UCMA: variants seen among roughly 807,000 people sequenced by gnomAD.
UCMA encodes upper zone of growth plate and cartilage matrix-associated protein.
UCMA carries 21 observed loss-of-function variants against 21.8 expected under a neutral mutation model. The ratio of observed to expected loss-of-function variants is 0.97; its 90% CI spans 0.68 to 1.39. The LOEUF (loss-of-function observed/expected upper bound fraction) is 1.39, where lower values mean the gene tolerates loss of function less well. Ranked by LOEUF, UCMA falls within the 40% of genes most tolerant of loss-of-function variation. The pLI is 0.00. For missense variants in UCMA, 193 were observed against 178.9 expected, an observed-to-expected ratio of 1.08 and a Z score of -0.45; for synonymous variants, 76 against 67.9, an observed-to-expected ratio of 1.12 and a Z score of -0.58.
rs1054317968 is a variant in UCMA at position 13,227,837 on chromosome 10, G to A, written c.319+1774C>T. 3.3e-5 allele frequency among the ~76,000 whole-genome samples: 5 copies of A among 150,856 alleles called. No individual in the cohort carries two copies. The South Asian group carries it at 8.4e-4, about 25-fold the overall frequency. ...ACGGTCCTAAGGATGTTTGCTGTGG[G>A]TGACCCTTGAGGGTACTTCACAGCA... On this transcript the variant is annotated intron_variant, in intron 4 of 4. Coordinates refer to ENST00000378681, the MANE Select transcript of UCMA (RefSeq NM_145314.3).
At chr10:13,232,912 G>C (rs939911615) in intron 3 of UCMA, among the ~76,000 whole-genome samples, 1 of 151,118 alleles carries the variant, frequency 6.6e-6, no homozygotes, top group African/African-American at 2.4e-5. Context: ...CAACAGACAG[G>C]CTCACCCCAA....
intron 3 of UCMA, among the ~76,000 whole-genome samples, chr10:13,230,087 G>T (rs1387261480): frequency 6.6e-6 from 1 of 152,144 alleles, no homozygotes; most frequent in Non-Finnish European, 1.5e-5. Context: ...CAACATTTTC[G>T]AGCTCTTATC....
At chr10:13,222,477 A>G (rs2281798) in intron 4 of UCMA, among the ~76,000 whole-genome samples, 43,414 of 152,072 alleles carry the variant, frequency 0.29, 6,323 homozygotes, top group Middle Eastern at 0.37. Context: ...GTAGGAGGGC[A>G]GAGGCTTATG....
At chr10:13,225,523 A>C (rs1328811926) in intron 4 of UCMA, among the ~76,000 whole-genome samples, 1 of 151,952 alleles carries the variant, frequency 6.6e-6, no homozygotes, top group Non-Finnish European at 1.5e-5. Context: ...AAAAATACAA[A>C]AATTAGCAAG....
intron 4 of UCMA, among the ~76,000 whole-genome samples, chr10:13,225,655 C>T (rs1165506278): frequency 8.0e-6 from 1 of 125,218 alleles, no homozygotes; most frequent in Admixed American, 9.9e-5. Flanking sequence ...AGCCTGGTGA[C>T]AGAGCGAGAT....
chr10:13,229,677 G>C lies in UCMA; in HGVS notation c.253C>G (p.Leu85Val). 1 of 1,614,052 alleles carries C rather than the reference G, an allele frequency of 6.2e-7. No individual in the cohort carries two copies. Among genetic ancestry groups the C allele is most frequent in the East Asian group, 2.2e-5 (1 of 44,872 alleles). The change falls in exon 4 of 5, where the codon CTG becomes GTG. Residue 85 changes from leucine (L) to valine (V), a missense_variant. Leu to Val is a conservative substitution (Grantham distance 32). Transcript: ENST00000378681. ...TGTTCCTCGTAATATTCTCTCCGCAGCTCATCAACCCGAAGCTTCTGCCTG... is the reference window on the plus strand; with the variant it reads ...TGTTCCTCGTAATATTCTCTCCGCACCTCATCAACCCGAAGCTTCTGCCTG... ...ENRQKLRVDE[L>V]RREYYEEQRN...
chr10:13,231,577 G>A (rs4750326), intron 3 of UCMA, among the ~76,000 whole-genome samples: 4,329 of 152,246 alleles, frequency 0.028, 190 homozygotes, highest in East Asian at 0.14. Context: ...CTAAAGAAGC[G>A]TCCTCTGTCC....
chr10:13,233,752 C>T lies in UCMA; in HGVS notation c.107G>A (p.Gly36Glu), dbSNP rs1588492445. The T allele has an allele frequency of 6.2e-7, 1 of 1,614,052 alleles. No individual in the cohort carries two copies. Among genetic ancestry groups the T allele is most frequent in the East Asian group, 2.2e-5 (1 of 44,848 alleles). The change falls in exon 2 of 5, where the codon GGA becomes GAA. Residue 36 changes from glycine (G) to glutamate (E), a missense_variant. Physicochemically the swap from Gly to Glu is moderately conservative, Grantham distance 98 (BLOSUM62 -2). Transcript: ENST00000378681. ...GCACTCACCTTCACTCGCCTCTTCT[C>T]CCGCCATCTGCATGGTGCCCACAGA... ...SVSVGTMQMA[G>E]EEASEDAKQK...
At position 13,234,364 on chromosome 10, in the gene UCMA, A is replaced by C; in HGVS notation, c.-106T>G. On this transcript the variant is annotated 5_prime_UTR_variant, in exon 1 of 5. Transcript: ENST00000378681. ...CAGGCAGCCCAGGCGAGAGGAAGGA[A>C]GGCGGGGGAGGGAAGAGAGAGGCAG... 1 of 1,137,364 alleles carries C rather than the reference A, an allele frequency of 8.8e-7. No homozygotes were observed. Among genetic ancestry groups the C allele is most frequent in the Non-Finnish European group, 1.2e-6 (1 of 805,138 alleles). 70.5% of individuals were successfully genotyped at this position (1,137,364 alleles called of 1,614,324 possible).
chr10:13,226,916 G>A (rs2181840), intron 4 of UCMA, among the ~76,000 whole-genome samples: 64,572 of 151,978 alleles, frequency 0.42, 14,153 homozygotes, highest in African/African-American at 0.5. Flanking sequence ...AGAGCTTTGG[G>A]CCTAAAACAT....
intron 4 of UCMA, among the ~76,000 whole-genome samples, chr10:13,224,399 A>T (rs1834798059): frequency 8.0e-6 from 1 of 124,754 alleles, no homozygotes; most frequent in South Asian, 2.4e-4. Context: ...AAGAAAGAGA[A>T]AAAAAGAGAA....
chr10:13,231,575 GCGT>G (rs1409166575), intron 3 of UCMA, among the ~76,000 whole-genome samples: 1 of 152,182 alleles, frequency 6.6e-6, no homozygotes. Context: ...TCCTAAAGAA[GCGT>G]CCTCTGTCCC....
chr10:13,223,372 A>C (rs1458096830), intron 4 of UCMA, among the ~76,000 whole-genome samples: 1 of 152,198 alleles, frequency 6.6e-6, no homozygotes, highest in Non-Finnish European at 1.5e-5. Context: ...AGTGTCCCTC[A>C]ACAAAGAAAT....
chr10:13,229,524 A>AC, intron 4 of UCMA, 87 bp downstream of exon 4: 2 of 1,265,868 alleles, frequency 1.6e-6, no homozygotes, highest in East Asian at 4.7e-5. Flanking sequence ...AAAAAAAAAA[A>AC]AAGTTGGGTA....
chr10:13,230,272 C>T (rs1363163619), intron 3 of UCMA, among the ~76,000 whole-genome samples: 4 of 152,110 alleles, frequency 2.6e-5, no homozygotes, highest in Non-Finnish European at 2.9e-5. Context: ...TGTACTGCTG[C>T]ACTCCACCTT....
chr10:13,233,856 G>A (rs1157789613), intron 1 of UCMA, 56 bp from the exon 2 acceptor site: 2 of 1,603,298 alleles, frequency 1.2e-6, no homozygotes, highest in Admixed American at 3.4e-5. Flanking sequence ...CCCAGACCCT[G>A]AGCTGAGTCC....
intron 4 of UCMA, among the ~76,000 whole-genome samples, chr10:13,223,238 A>C (rs1588487848): frequency 6.6e-6 from 1 of 151,580 alleles, no homozygotes; most frequent in Non-Finnish European, 1.5e-5. Context: ...AAAAAAAAAA[A>C]ACACAAAAGA....
intron 4 of UCMA, among the ~76,000 whole-genome samples, chr10:13,223,875 CAA>C (rs112197018): frequency 1.4e-5 from 2 of 144,358 alleles, no homozygotes; most frequent in Admixed American, 6.9e-5. Context: ...TTTACAGAGA[CAA>C]AAAAAAAAAG....
chr10:13,224,925 G>A (rs1834804987), intron 4 of UCMA, among the ~76,000 whole-genome samples: 2 of 152,226 alleles, frequency 1.3e-5, no homozygotes, highest in African/African-American at 2.4e-5. Flanking sequence ...GGAGCTCACA[G>A]AGCCAGGCCC....
Sources: allele counts gnomAD v4.1 joint callset (sites outside exome capture counted in the v4.1 genomes callset), GRCh38; gene constraint gnomAD v4.1.1; transcripts MANE v1.5; gene names NCBI Gene and HGNC (gene_info 2026-07-23, HGNC 2026-07-21).